The following GRM3 variants were observed in gnomAD, a reference collection of about 807,000 sequenced individuals.
GRM3 encodes glutamate metabotropic receptor 3, also known as metabotropic glutamate receptor 3.
In GRM3, 26 loss-of-function variants were observed where a neutral mutation model predicts 70.5. The ratio of observed to expected loss-of-function variants is 0.37; its 90% CI spans 0.27 to 0.51. The LOEUF (loss-of-function observed/expected upper bound fraction) is 0.51. Ranked by LOEUF, GRM3 falls within the 20% of genes least tolerant of loss-of-function variation. The pLI, the probability that GRM3 is intolerant of heterozygous loss-of-function variation, is 0.93. For synonymous variants in GRM3, 443 were observed against 434.9 expected (o/e 1.02, Z -0.23); for missense variants, 859 against 1,123.8 (o/e 0.76, Z 3.37).
At chr7:86,721,722 T>C (rs1021285884) in intron 1 of GRM3, among the ~76,000 whole-genome samples, 3 of 152,108 alleles carry the variant, frequency 2.0e-5, no homozygotes, top group Non-Finnish European at 2.9e-5. Flanking sequence ...AAGATCTCTA[T>C]TAAAATGTAT....
At chr7:86,782,078 T>A (rs1347764816) in intron 2 of GRM3, among the ~76,000 whole-genome samples, 1 of 152,212 alleles carries the variant, frequency 6.6e-6, no homozygotes, top group Non-Finnish European at 1.5e-5. Context: ...AGTGTTTCCA[T>A]GCTCTCTGTT....
Position 86,864,552 on chromosome 7 carries a change from A to G in GRM3, c.*197A>G, listed in dbSNP as rs1799025245. The G allele has an allele frequency of 2.0e-6, 1 of 508,530 alleles. No individual in the cohort carries two copies. Among genetic ancestry groups the G allele is most frequent in the Admixed American group, 3.0e-5 (1 of 32,958 alleles). The allele number at this position is 508,530 out of a possible 1,614,324, so 31.5% of individuals were successfully genotyped here. A position where few individuals can be genotyped will look rare whatever the true frequency, so the allele number is the denominator to read the frequency against. On this transcript the variant is annotated 3_prime_UTR_variant, in exon 6 of 6. Coordinates refer to ENST00000361669, the MANE Select transcript of GRM3 (RefSeq NM_000840.3). ...GCTGAGTCTAGTGCCCCTATTATTA[A>G]CAATTCCCCCAGAACATGGAAATAA...
At chr7:86,703,314 G>A (rs1214372102) in intron 1 of GRM3, among the ~76,000 whole-genome samples, 1 of 152,012 alleles carries the variant, frequency 6.6e-6, no homozygotes, top group African/African-American at 2.4e-5. Flanking sequence ...ACCTCAAAGA[G>A]GTGGGGGAAC....
At chr7:86,720,248 C>T (rs982722795) in intron 1 of GRM3, among the ~76,000 whole-genome samples, 2 of 151,876 alleles carry the variant, frequency 1.3e-5, no homozygotes, top group Non-Finnish European at 2.9e-5. Context: ...AGGGTTTCTT[C>T]AATGAGAATC....
At chr7:86,713,526 T>C (rs903409642) in intron 1 of GRM3, among the ~76,000 whole-genome samples, 2 of 151,844 alleles carry the variant, frequency 1.3e-5, no homozygotes, top group Non-Finnish European at 2.9e-5. Context: ...CCTTTGCTCA[T>C]GTTATTGTCT....
intron 1 of GRM3, among the ~76,000 whole-genome samples, chr7:86,716,073 A>C (rs1210713135): frequency 3.9e-5 from 6 of 151,986 alleles, no homozygotes; most frequent in South Asian, 4.1e-4. Context: ...TTTGCATGTA[A>C]ATGAAGTACA....
chr7:86,655,892 C>T (rs1162529669), intron 1 of GRM3, among the ~76,000 whole-genome samples: 1 of 151,280 alleles, frequency 6.6e-6, no homozygotes, highest in Admixed American at 6.6e-5. Context: ...ACTTCTCTCA[C>T]TATTGCTGAG....
At position 86,815,614 on chromosome 7, in the gene GRM3, C is replaced by T. The variant is rs10278473; in HGVS notation, c.1325-23225C>T. ...TATATTTTCAGTACACAAAGCACTT[C>T]GAAATTAGTCACAGGCTGTGTTTTA... is the stretch of plus-strand genomic sequence containing the variant. On this transcript the variant is annotated intron_variant, in intron 3 of 5. Transcript: ENST00000361669. Among the ~76,000 whole-genome samples the T allele has an allele frequency of 4.0e-3, 614 of 151,872 alleles. 5 individuals carry two copies. The highest frequency in any genetic ancestry group is 0.014 in the African/African-American group (579 of 41,472).
intron 1 of GRM3, among the ~76,000 whole-genome samples, chr7:86,713,169 C>T (rs11981009): frequency 0.028 from 4,271 of 152,006 alleles, 78 homozygotes; most frequent in East Asian, 0.06. Flanking sequence ...CGATAAGAGC[C>T]GTTTTAACCG....
chr7:86,744,936 A>G (rs939124489), intron 1 of GRM3, among the ~76,000 whole-genome samples: 1 of 152,020 alleles, frequency 6.6e-6, no homozygotes, highest in Non-Finnish European at 1.5e-5. Flanking sequence ...CTCCTAGCCA[A>G]CAACCCATGC....
intron 3 of GRM3, among the ~76,000 whole-genome samples, chr7:86,795,703 G>T (rs1797533371): frequency 6.6e-6 from 1 of 152,170 alleles, no homozygotes; most frequent in East Asian, 1.9e-4. Flanking sequence ...CCATGTCTTT[G>T]CTATAGTGAA....
intron 1 of GRM3, among the ~76,000 whole-genome samples, chr7:86,725,725 A>C (rs997860432): frequency 1.3e-5 from 2 of 152,136 alleles, no homozygotes; most frequent in Non-Finnish European, 2.9e-5. Context: ...GTATTACTAT[A>C]GACTGGTTGG....
At chr7:86,678,590 G>T (rs1794365983) in intron 1 of GRM3, among the ~76,000 whole-genome samples, 3 of 151,980 alleles carry the variant, frequency 2.0e-5, no homozygotes, top group Non-Finnish European at 4.4e-5. Flanking sequence ...GTGTTTGGAA[G>T]GAATTTACAG....
At chr7:86,768,250 A>C (rs1184985173) in intron 2 of GRM3, among the ~76,000 whole-genome samples, 1 of 152,182 alleles carries the variant, frequency 6.6e-6, no homozygotes, top group Admixed American at 6.5e-5. Context: ...TGGTAACCTT[A>C]TGTCCCTAAA....
intron 1 of GRM3, among the ~76,000 whole-genome samples, chr7:86,707,493 C>T (rs1449197085): frequency 1.3e-5 from 2 of 152,024 alleles, no homozygotes; most frequent in Admixed American, 6.6e-5. Context: ...TAGTTCTACT[C>T]CTGGCTCTGG....
At chr7:86,671,922 C>A (rs980694614) in intron 1 of GRM3, among the ~76,000 whole-genome samples, 8 of 152,276 alleles carry the variant, frequency 5.3e-5, no homozygotes, top group Non-Finnish European at 1.0e-4. Context: ...TGTAGCACTA[C>A]TGGAAACCAA....
At chr7:86,802,311 G>T (rs79822177) in intron 3 of GRM3, among the ~76,000 whole-genome samples, 8,167 of 152,038 alleles carry the variant, frequency 0.054, 701 homozygotes, top group African/African-American at 0.18. Flanking sequence ...AAAAAACAAG[G>T]TTTGTATTTA....
intron 1 of GRM3, among the ~76,000 whole-genome samples, chr7:86,673,917 C>A (rs1794238504): frequency 1.3e-5 from 2 of 152,068 alleles, no homozygotes; most frequent in African/African-American, 2.4e-5. Flanking sequence ...TCCTACCCAC[C>A]TTTACCTGCC....
At chr7:86,739,322 T>C (rs1206960286) in intron 1 of GRM3, among the ~76,000 whole-genome samples, 1 of 152,206 alleles carries the variant, frequency 6.6e-6, no homozygotes, top group Non-Finnish European at 1.5e-5. Flanking sequence ...ACTGAAATTT[T>C]GTAGCACTTG....
Sources: gnomAD v4.1 joint callset for allele counts (sites outside exome capture counted in the v4.1 genomes callset) on GRCh38, gnomAD v4.1.1 for gene constraint, MANE v1.5 for transcripts, NCBI Gene and HGNC (gene_info 2026-07-23, HGNC 2026-07-21) for gene names.